The following TRIP4 variants were observed in gnomAD, a reference collection of about 807,000 sequenced individuals.
The protein encoded by TRIP4 is thyroid hormone receptor interactor 4.
A neutral mutation model predicts 81.8 loss-of-function variants in TRIP4; 54 were observed. That is an observed-to-expected ratio of 0.66 (90% confidence interval 0.53 to 0.83). The LOEUF (loss-of-function observed/expected upper bound fraction) is 0.83, where lower values mean the gene tolerates loss of function less well. Ranked by LOEUF, TRIP4 falls within the 40% of genes least tolerant of loss-of-function variation. The probability of loss-of-function intolerance (pLI) is 0.00; values close to 1 mark genes in which losing one functional copy is unlikely to be tolerated. For missense variants in TRIP4, 662 were observed against 683.6 expected (o/e 0.97, Z 0.35); for synonymous variants, 270 against 242.8 (o/e 1.11, Z -1.04).
intron 11 of TRIP4, among the ~76,000 whole-genome samples, chr15:64,433,018 G>T (rs1189941750): frequency 6.6e-6 from 1 of 152,108 alleles, no homozygotes; most frequent in East Asian, 1.9e-4. Context: ...TGAATCAACT[G>T]TAGATTCTGT....
intron 1 of TRIP4, among the ~76,000 whole-genome samples, chr15:64,391,983 A>T (rs1334670030): frequency 6.8e-6 from 1 of 147,398 alleles, no homozygotes; most frequent in Non-Finnish European, 1.5e-5. Flanking sequence ...AAAAAAAAAA[A>T]AAAAAAAAAA....
intron 5 of TRIP4, among the ~76,000 whole-genome samples, chr15:64,402,944 C>G (rs1430823125): frequency 6.6e-6 from 1 of 151,944 alleles, no homozygotes; most frequent in East Asian, 1.9e-4. Context: ...GCTGCAAGCT[C>G]CATCTCCCAG....
At chr15:64,414,321 A>G (rs2140295168) in intron 8 of TRIP4, 110 bp downstream of exon 8, 7 of 1,414,046 alleles carry the variant, frequency 5.0e-6, no homozygotes, top group Non-Finnish European at 6.7e-6. Context: ...CTCTCAATAC[A>G]CCTGTACCAA....
chr15:64,454,763 T>G (rs757018360), intron 12 of TRIP4, among the ~76,000 whole-genome samples: 4 of 152,224 alleles, frequency 2.6e-5, no homozygotes, highest in African/African-American at 4.8e-5. Context: ...AATAATTAAC[T>G]TCTTAGATTC....
chr15:64,405,343 A>G (rs949045806), intron 5 of TRIP4, among the ~76,000 whole-genome samples: 3 of 151,572 alleles, frequency 2.0e-5, no homozygotes, highest in African/African-American at 7.3e-5. Flanking sequence ...TTTAGTGGAG[A>G]CAGGGTTTCA....
intron 12 of TRIP4, among the ~76,000 whole-genome samples, chr15:64,454,253 CCAGA>C (rs1892836353): frequency 6.6e-6 from 1 of 151,818 alleles, no homozygotes; most frequent in African/African-American, 2.4e-5. Flanking sequence ...TGTTCTCAGG[CCAGA>C]CAGACAGGAA....
At chr15:64,444,263 T>C (rs1892576151) in intron 11 of TRIP4, among the ~76,000 whole-genome samples, 1 of 152,194 alleles carries the variant, frequency 6.6e-6, no homozygotes, top group Admixed American at 6.6e-5. Flanking sequence ...AATAATGAAA[T>C]TCCAGCTCAG....
intron 2 of TRIP4, among the ~76,000 whole-genome samples, chr15:64,394,973 T>C (rs1049281441): frequency 1.3e-5 from 2 of 152,092 alleles, no homozygotes; most frequent in Non-Finnish European, 2.9e-5. Context: ...GCCTCCTGAG[T>C]AGCTGGGACT....
At chr15:64,406,558 A>G in intron 6 of TRIP4, 99 bp downstream of exon 6, 1 of 1,423,282 alleles carries the variant, frequency 7.0e-7, no homozygotes. Flanking sequence ...TGGAGTGTGA[A>G]AGAGTTTATA....
chr15:64,393,767 G>GTA, intron 1 of TRIP4, 179 bp from the exon 2 acceptor site: 1 of 449,032 alleles, frequency 2.2e-6, no homozygotes, highest in Non-Finnish European at 3.7e-6. Context: ...GTGTATGTAT[G>GTA]TATACATTCA....
chr15:64,401,533 A>C (rs1891508395), intron 5 of TRIP4, among the ~76,000 whole-genome samples: 1 of 152,134 alleles, frequency 6.6e-6, no homozygotes, highest in Non-Finnish European at 1.5e-5. Flanking sequence ...CGGCCTCCCA[A>C]AGCACTGGGA....
At position 64,396,612 on chromosome 15, in the gene TRIP4, C is replaced by T. The variant is rs1900303199; in HGVS notation, c.406-994C>T. 2.0e-5 allele frequency among the ~76,000 whole-genome samples: 3 copies of T among 152,280 alleles called. No homozygotes were observed. In the South Asian group the frequency reaches 6.2e-4, roughly 32 times the overall value. On this transcript the variant is annotated intron_variant, in intron 3 of 12. Coordinates refer to ENST00000261884, the MANE Select transcript of TRIP4 (RefSeq NM_016213.5). ...GCTTCTTTCAATTTATGAGATTCAT[C>T]TCTACTCTGGGCAGCTATACTTTCT...
In TRIP4 at chr15:64,406,362, A is replaced by C; in HGVS notation, c.730A>C (p.Thr244Pro). The change falls in exon 6 of 13, where the codon ACC becomes CCC. Residue 244 changes from threonine to proline, a missense_variant. Transcript: ENST00000261884. Reference sequence around the variant, plus strand: ...GAATTCTGGAAAGGTGGACATCTCTACCAAGGACCTTCTTCCTCATCAAGA... The same window carrying C: ...GAATTCTGGAAAGGTGGACATCTCTCCCAAGGACCTTCTTCCTCATCAAGA... ...VENSGKVDIS[T>P]KDLLPHQELR... 6.2e-7 allele frequency: 1 copy of C among 1,614,174 alleles called. No individual in the cohort carries two copies. Among genetic ancestry groups the C allele is most frequent in the African/African-American group, 1.3e-5 (1 of 75,066 alleles).
rs776515691 is a variant in TRIP4, at chr15:64,455,037, G to A, written c.1719G>A (p.Gly573=). The change falls in exon 13 of 13, where the codon GGG becomes GGA. Residue 573 remains glycine, a synonymous_variant. Coordinates refer to ENST00000261884, the MANE Select transcript of TRIP4 (RefSeq NM_016213.5). ...AGATCCATCAAGGAGCAAAGAAGGG[G>A]TTAATGAAGCAGAATAAAGCTGTCT... ...DSKIHQGAKK[G]LMKQNKAV is the part of the protein sequence containing the mutation. The A allele has an allele frequency of 2.5e-6, 4 of 1,614,062 alleles. No homozygotes were observed. The highest frequency in any genetic ancestry group is 4.5e-5 in the East Asian group (2 of 44,840).
At chr15:64,389,922 G>A (rs924767520) in intron 1 of TRIP4, among the ~76,000 whole-genome samples, 2 of 149,816 alleles carry the variant, frequency 1.3e-5, no homozygotes, top group African/African-American at 2.4e-5. Context: ...GGGTGGTCTC[G>A]AACTCCTGAC....
intron 9 of TRIP4, among the ~76,000 whole-genome samples, chr15:64,419,288 G>A (rs1891954320): frequency 6.6e-6 from 1 of 152,148 alleles, no homozygotes; most frequent in South Asian, 2.1e-4. Context: ...ATACAGCTGA[G>A]TTACACCTGT....
At chr15:64,431,266 A>G (rs1437797680) in intron 11 of TRIP4, among the ~76,000 whole-genome samples, 1 of 152,090 alleles carries the variant, frequency 6.6e-6, no homozygotes, top group Non-Finnish European at 1.5e-5. Flanking sequence ...AACAGCCCTC[A>G]CGATGAGGGC....
Position 64,455,104 on chromosome 15 carries a change from T to C in TRIP4, c.*40T>C. On this transcript the variant is annotated 3_prime_UTR_variant, in exon 13 of 13. Transcript: ENST00000261884. Reference sequence around the variant, plus strand: ...AACTATACAGCATAGTGGAGTTTTGTGTACTAAAATTGCTATCTACTGGTC... The same window carrying C: ...AACTATACAGCATAGTGGAGTTTTGCGTACTAAAATTGCTATCTACTGGTC... 2 of 1,589,488 alleles carry C rather than the reference T, an allele frequency of 1.3e-6. No homozygotes were observed. Among genetic ancestry groups the C allele is most frequent in the Non-Finnish European group, 1.7e-6 (2 of 1,161,628 alleles).
intron 3 of TRIP4, among the ~76,000 whole-genome samples, chr15:64,396,990 G>A (rs540095923): frequency 9.9e-5 from 15 of 152,180 alleles, no homozygotes; most frequent in Admixed American, 4.6e-4. Context: ...TTATTTTGAC[G>A]ACTAATGAAA....
Sources: gnomAD v4.1 joint callset for allele counts (sites outside exome capture counted in the v4.1 genomes callset) on GRCh38, gnomAD v4.1.1 for gene constraint, MANE v1.5 for transcripts, NCBI Gene and HGNC (gene_info 2026-07-23, HGNC 2026-07-21) for gene names.